STON2: variants seen among roughly 807,000 people sequenced by gnomAD.
STON2 encodes the protein stonin-2.
STON2 carries 29 observed loss-of-function variants against 65.7 expected under a neutral mutation model. The observed-to-expected ratio is 0.44, with a 90% CI of 0.33 to 0.60. The LOEUF (loss-of-function observed/expected upper bound fraction) is 0.60, where lower values mean the gene tolerates loss of function less well. Ranked by LOEUF, STON2 falls within the 20% of genes least tolerant of loss-of-function variation. The pLI is 0.03. For synonymous variants in STON2, 404 were observed against 414.2 expected, an observed-to-expected ratio of 0.98 and a Z score of 0.30; for missense variants, 1,054 against 1,118.1, an observed-to-expected ratio of 0.94 and a Z score of 0.82.
chr14:81,333,041 G>A, intron 4 of STON2: 2 of 627,520 alleles, frequency 3.2e-6, no homozygotes, highest in Non-Finnish European at 2.8e-6. Context: ...CCCTCTTGTT[G>A]CTTTCTTGAG....
At chr14:81,345,794 AGTCTGTGGTACTTT>A (rs1361531840) in intron 4 of STON2, among the ~76,000 whole-genome samples, 1 of 152,124 alleles carries the variant, frequency 6.6e-6, no homozygotes, top group East Asian at 1.9e-4. Flanking sequence ...TAAGCCACTT[AGTCTGTGGTACTTT>A]GTTATGGCAG....
chr14:81,328,249 G>A (rs1019570733), intron 4 of STON2, among the ~76,000 whole-genome samples: 1 of 152,152 alleles, frequency 6.6e-6, no homozygotes, highest in Non-Finnish European at 1.5e-5. Flanking sequence ...AATAGTTCAA[G>A]ATCCTGGGAA....
At chr14:81,360,359 G>A (rs964884017) in intron 4 of STON2, among the ~76,000 whole-genome samples, 1 of 152,076 alleles carries the variant, frequency 6.6e-6, no homozygotes, top group African/African-American at 2.4e-5. Context: ...TCCCTGGGAT[G>A]CAAAGATGTT....
At chr14:81,310,476 T>C (rs193221193) in intron 5 of STON2, among the ~76,000 whole-genome samples, 1 of 152,248 alleles carries the variant, frequency 6.6e-6, no homozygotes, top group Admixed American at 6.5e-5. Context: ...TTCAATGTGG[T>C]CAACATGTGA....
At chr14:81,303,059 G>GTGT (rs1566897923) in intron 5 of STON2, among the ~76,000 whole-genome samples, 321 of 97,048 alleles carry the variant, frequency 3.3e-3, no homozygotes, top group African/African-American at 4.4e-3. Context: ...ATGTGTGGGG[G>GTGT]GTGTGTGTGT....
chr14:81,268,229 T>C lies in STON2; in HGVS notation c.*185A>G. 2 of 1,156,594 alleles carry C rather than the reference T, an allele frequency of 1.7e-6. No individual in the cohort carries two copies. The highest frequency in any genetic ancestry group is 2.2e-6 in the Non-Finnish European group (2 of 926,880). The allele number at this position is 1,156,594 out of a possible 1,614,324, so 71.6% of individuals were successfully genotyped here. Reference sequence around the variant, plus strand: ...AAAGAGCCTCTCCAAAAGCCACCATTCTCAGGGTTTCCTGGTAAAATACAA... The same window carrying C: ...AAAGAGCCTCTCCAAAAGCCACCATCCTCAGGGTTTCCTGGTAAAATACAA... On this transcript the variant is annotated 3_prime_UTR_variant, in exon 8 of 8. Coordinates refer to ENST00000614646, the MANE Select transcript of STON2 (RefSeq NM_001394390.1).
intron 4 of STON2, among the ~76,000 whole-genome samples, chr14:81,338,307 A>T (rs1260401145): frequency 6.6e-6 from 1 of 152,196 alleles, no homozygotes; most frequent in Non-Finnish European, 1.5e-5. Context: ...ATCAATGGCC[A>T]ATCATGTAAT....
intron 4 of STON2, among the ~76,000 whole-genome samples, chr14:81,329,307 T>G (rs763509614): frequency 2.0e-4 from 30 of 151,716 alleles, no homozygotes; most frequent in Admixed American, 3.3e-4. Context: ...CAAAAGAAAT[T>G]AGCCAGGCGT....
At chr14:81,359,965 C>T (rs753928757) in intron 4 of STON2, among the ~76,000 whole-genome samples, 11 of 152,192 alleles carry the variant, frequency 7.2e-5, no homozygotes, top group Non-Finnish European at 1.6e-4. Context: ...GTTGTACACA[C>T]CTGTGGTCCC....
intron 4 of STON2, among the ~76,000 whole-genome samples, chr14:81,328,902 C>G (rs985354111): frequency 2.0e-5 from 3 of 152,136 alleles, no homozygotes; most frequent in African/African-American, 7.2e-5. Context: ...CAGCCTGAGG[C>G]CTTCAACAGA....
chr14:81,371,527 C>A (rs1407011843), intron 3 of STON2, among the ~76,000 whole-genome samples: 1 of 152,008 alleles, frequency 6.6e-6, no homozygotes, highest in African/African-American at 2.4e-5. Flanking sequence ...AACCCCGTCT[C>A]TGCTAAAAAT....
At chr14:81,331,650 C>A (rs768055919) in intron 4 of STON2, among the ~76,000 whole-genome samples, 2 of 152,192 alleles carry the variant, frequency 1.3e-5, no homozygotes, top group Non-Finnish European at 2.9e-5. Flanking sequence ...GGCCTCCAGG[C>A]CTAAATCCAG....
chr14:81,403,029 A>G (rs1900682710), upstream of STON2, among the ~76,000 whole-genome samples: 1 of 152,202 alleles, frequency 6.6e-6, no homozygotes, highest in Non-Finnish European at 1.5e-5. Context: ...ATTGTCGTAT[A>G]AATGCAGGCA....
At chr14:81,270,563 G>A (rs761668827) in intron 7 of STON2, 107 bp downstream of exon 7, 10 of 1,602,584 alleles carry the variant, frequency 6.2e-6, no homozygotes, top group Non-Finnish European at 8.5e-6. Flanking sequence ...GGCAGTAAGA[G>A]GTTACCAGGC....
intron 1 of STON2, among the ~76,000 whole-genome samples, chr14:81,429,655 C>T (rs901522703): frequency 9.9e-5 from 15 of 152,144 alleles, no homozygotes; most frequent in African/African-American, 3.4e-4. Flanking sequence ...TCATCTAGGT[C>T]GGGCATGATG....
chr14:81,428,376 A>G (rs1595476190), intron 1 of STON2, among the ~76,000 whole-genome samples: 1 of 152,208 alleles, frequency 6.6e-6, no homozygotes, highest in Non-Finnish European at 1.5e-5. Context: ...AATATGGATC[A>G]CCCCAGCCTT....
chr14:81,319,710 G>A (rs892568757), intron 5 of STON2, among the ~76,000 whole-genome samples: 2 of 152,106 alleles, frequency 1.3e-5, no homozygotes, highest in Admixed American at 1.3e-4. Context: ...TACAGGTTCC[G>A]AACCTTCATC....
intron 1 of STON2, among the ~76,000 whole-genome samples, chr14:81,434,871 G>GA (rs1412797222): frequency 6.6e-6 from 1 of 151,582 alleles, no homozygotes; most frequent in South Asian, 2.1e-4. Context: ...TCAGGCATAG[G>GA]AAAAAAAACA....
intron 4 of STON2, among the ~76,000 whole-genome samples, chr14:81,324,565 G>A (rs530997483): frequency 1.6e-4 from 25 of 152,368 alleles, no homozygotes; most frequent in African/African-American, 5.8e-4. Flanking sequence ...TGGGGCAGGG[G>A]TCTGGAAGAG....
Sources: gnomAD v4.1 joint callset for allele counts (sites outside exome capture counted in the v4.1 genomes callset) on GRCh38, gnomAD v4.1.1 for gene constraint, MANE v1.5 for transcripts, NCBI Gene and HGNC (gene_info 2026-07-23, HGNC 2026-07-21) for gene names.